ELF1: variants seen among roughly 807,000 people sequenced by gnomAD.
ELF1 encodes E74 like ETS transcription factor 1, also known as ETS-related transcription factor Elf-1.
In ELF1, 24 loss-of-function variants were observed where a neutral mutation model predicts 59.9. The ratio of observed to expected loss-of-function variants is 0.40; its 90% confidence interval spans 0.29 to 0.56. ELF1 has a LOEUF of 0.56. Among genes scored for constraint, ELF1 ranks in the 20% least tolerant of loss-of-function variants. The pLI is 0.44. For synonymous variants in ELF1, 248 were observed against 266.2 expected, an observed-to-expected ratio of 0.93 and a Z score of 0.67; for missense variants, 627 against 742.2, an observed-to-expected ratio of 0.84 and a Z score of 1.80.
At chr13:41,020,159 G>C (rs760185975), upstream of ELF1, among the ~76,000 whole-genome samples, 20 of 152,180 alleles carry the variant, frequency 1.3e-4, no homozygotes, top group Non-Finnish European at 2.9e-5. Context: ...CCAACCTAAG[G>C]GGACAACTGT....
chr13:40,993,935 T>C (rs1874007181), intron 1 of ELF1, among the ~76,000 whole-genome samples: 1 of 152,026 alleles, frequency 6.6e-6, no homozygotes, highest in African/African-American at 2.4e-5. Flanking sequence ...ATCAAACTTC[T>C]GGTGACTTAA....
chr13:41,034,790 T>TAAAAAA (rs368956919), intron 1 of ELF1, among the ~76,000 whole-genome samples: 2 of 117,350 alleles, frequency 1.7e-5, no homozygotes, highest in African/African-American at 3.1e-5. Context: ...ATATTCCTAT[T>TAAAAAA]AAAAAAAAAA....
At chr13:40,977,925 T>C (rs1036508223) in intron 2 of ELF1, among the ~76,000 whole-genome samples, 21 of 152,288 alleles carry the variant, frequency 1.4e-4, no homozygotes, top group African/African-American at 5.1e-4. Context: ...TTAACAAAGG[T>C]GGCAGTTTAA....
At chr13:40,951,208 A>T in intron 4 of ELF1, 121 bp downstream of exon 4, 2 of 781,142 alleles carry the variant, frequency 2.6e-6, no homozygotes, top group Non-Finnish European at 3.8e-6. Context: ...ACTATACCTT[A>T]AAATGTGATT....
chr13:41,044,692 T>G (rs1876767147), intron 1 of ELF1, among the ~76,000 whole-genome samples: 1 of 152,222 alleles, frequency 6.6e-6, no homozygotes, highest in Admixed American at 6.5e-5. Flanking sequence ...TGGATTCAGT[T>G]TGCCAGTATT....
intron 1 of ELF1, among the ~76,000 whole-genome samples, chr13:41,052,605 C>T (rs568897749): frequency 6.6e-6 from 1 of 152,196 alleles, no homozygotes; most frequent in South Asian, 2.1e-4. Flanking sequence ...AATCCCAGCA[C>T]TTTAGAAAGC....
intron 1 of ELF1, among the ~76,000 whole-genome samples, chr13:41,028,703 T>C (rs966029313): frequency 2.0e-5 from 3 of 152,226 alleles, no homozygotes; most frequent in African/African-American, 7.2e-5. Flanking sequence ...TAAGATGTAT[T>C]TACTTTATAT....
At chr13:40,997,280 C>T (rs937757001) in intron 1 of ELF1, among the ~76,000 whole-genome samples, 2 of 151,852 alleles carry the variant, frequency 1.3e-5, no homozygotes, top group Middle Eastern at 3.2e-3. Context: ...TCTTTTGAGA[C>T]GGAGTCTCAC....
Position 40,987,045 on chromosome 13 carries a change from C to T in ELF1, c.-228-4763G>A, listed in dbSNP as rs368265936. On this transcript the variant is annotated intron_variant, in intron 1 of 8. Transcript: ENST00000239882. ...CCGCCTCCCGGGTTCACGCCATTCTCCTGCCTCAGCCTCCTGAGTAGCTGG... is the reference window on the plus strand; with the variant it reads ...CCGCCTCCCGGGTTCACGCCATTCTTCTGCCTCAGCCTCCTGAGTAGCTGG... 7.5e-5 allele frequency among the ~76,000 whole-genome samples: 11 copies of T among 147,196 alleles called. No individual in the cohort carries two copies. The South Asian group carries it at 2.1e-3, about 29-fold the overall frequency.
upstream of ELF1, among the ~76,000 whole-genome samples, chr13:41,020,752 G>C: frequency 6.6e-6 from 1 of 152,012 alleles, no homozygotes; most frequent in East Asian, 1.9e-4. Context: ...AAGAAACAAG[G>C]TCCGCTGAGC....
chr13:40,955,845 A>AT (rs1871360417), intron 3 of ELF1, among the ~76,000 whole-genome samples: 1 of 66,250 alleles, frequency 1.5e-5, no homozygotes, highest in African/African-American at 1.0e-4. Context: ...GGCCACCCCT[A>AT]CTGGGAAGAG....
chr13:40,957,470 A>T (rs2138190947), intron 3 of ELF1, among the ~76,000 whole-genome samples: 1 of 150,428 alleles, frequency 6.6e-6, no homozygotes, highest in South Asian at 2.1e-4. Context: ...AAAGGCATTA[A>T]GATGTGTGTT....
intron 8 of ELF1, among the ~76,000 whole-genome samples, chr13:40,937,761 G>A (rs1005468580): frequency 1.1e-4 from 16 of 150,576 alleles, no homozygotes; most frequent in Admixed American, 2.0e-4. Flanking sequence ...GAGCCACCGC[G>A]CCCAGCTTCT....
intron 1 of ELF1, among the ~76,000 whole-genome samples, chr13:40,987,930 C>G (rs1271615189): frequency 1.3e-5 from 2 of 151,850 alleles, no homozygotes; most frequent in Non-Finnish European, 2.9e-5. Context: ...TCGGAAAAAC[C>G]ATTGAAAAAA....
chr13:41,020,482 C>T (rs1170742929), upstream of ELF1, among the ~76,000 whole-genome samples: 1 of 152,198 alleles, frequency 6.6e-6, no homozygotes, highest in Non-Finnish European at 1.5e-5. Flanking sequence ...AGAGCACAAG[C>T]TGTCACTGAC....
intron 1 of ELF1, among the ~76,000 whole-genome samples, chr13:41,041,543 C>T (rs142570496): frequency 3.3e-5 from 5 of 152,128 alleles, no homozygotes; most frequent in South Asian, 4.2e-4. Flanking sequence ...GGTGTGGTGA[C>T]GCGCACCTGT....
intron 8 of ELF1, among the ~76,000 whole-genome samples, chr13:40,937,705 G>A (rs902641924): frequency 1.2e-4 from 18 of 152,126 alleles, no homozygotes; most frequent in African/African-American, 4.3e-4. Flanking sequence ...TCCTGACCTC[G>A]TGATTCACCC....
intron 1 of ELF1, among the ~76,000 whole-genome samples, chr13:41,059,164 T>G (rs1412372838): frequency 6.6e-6 from 1 of 152,252 alleles, no homozygotes; most frequent in African/African-American, 2.4e-5. Context: ...CAGGAATCGC[T>G]CAACAATTCT....
intron 3 of ELF1, among the ~76,000 whole-genome samples, chr13:40,954,301 C>T (rs1391806950): frequency 6.6e-6 from 1 of 152,120 alleles, no homozygotes; most frequent in African/African-American, 2.4e-5. Flanking sequence ...AATTGTAAAC[C>T]CCAATGTTGG....
Sources: gnomAD v4.1 joint callset for allele counts (sites outside exome capture counted in the v4.1 genomes callset) on GRCh38, gnomAD v4.1.1 for gene constraint, MANE v1.5 for transcripts, NCBI Gene and HGNC (gene_info 2026-07-23, HGNC 2026-07-21) for gene names.